Variants in FAR2 observed in about 807,000 individuals in gnomAD.
FAR2 encodes fatty acyl-CoA reductase 2, also known as epididymis secretory protein Li 81.
A neutral mutation model predicts 56.0 loss-of-function variants in FAR2; 19 were observed. The ratio of observed to expected loss-of-function variants is 0.34; its 90% CI spans 0.24 to 0.50. FAR2 has a LOEUF of 0.50. Ranked by LOEUF, FAR2 falls within the 20% of genes least tolerant of loss-of-function variation. The pLI is 0.98. For synonymous variants in FAR2, 219 were observed against 218.8 expected (o/e 1.00, Z -0.01); for missense variants, 508 against 642.2 (o/e 0.79, Z 2.26).
At chr12:29,320,873 T>C (rs1312142006) in intron 9 of FAR2, among the ~76,000 whole-genome samples, 2 of 152,156 alleles carry the variant, frequency 1.3e-5, no homozygotes, top group Non-Finnish European at 2.9e-5. Context: ...TCTTGTGTAA[T>C]GGGACACAGG....
intron 2 of FAR2, among the ~76,000 whole-genome samples, chr12:29,283,198 T>C (rs1263206060): frequency 6.6e-6 from 1 of 152,132 alleles, no homozygotes; most frequent in African/African-American, 2.4e-5. Flanking sequence ...AAATAGTAAA[T>C]GACACAAAAA....
intron 3 of FAR2, among the ~76,000 whole-genome samples, chr12:29,294,140 A>T (rs1235110119): frequency 6.6e-6 from 1 of 152,172 alleles, no homozygotes; most frequent in African/African-American, 2.4e-5. Context: ...ATAATTTTTA[A>T]ATTATTTTAA....
chr12:29,272,990 G>A (rs891172458), intron 2 of FAR2, among the ~76,000 whole-genome samples: 1 of 152,162 alleles, frequency 6.6e-6, no homozygotes, highest in African/African-American at 2.4e-5. Flanking sequence ...AAAGAGGCTG[G>A]AGAGCAGCAA....
intron 1 of FAR2, among the ~76,000 whole-genome samples, chr12:29,234,075 G>A (rs117180037): frequency 3.6e-4 from 54 of 152,072 alleles, no homozygotes; most frequent in Non-Finnish European, 7.2e-4. Flanking sequence ...TCTTTCTCAC[G>A]CTCCTTGTAG....
intron 1 of FAR2, among the ~76,000 whole-genome samples, chr12:29,263,926 G>A (rs1181918017): frequency 9.2e-5 from 14 of 151,884 alleles, no homozygotes; most frequent in Admixed American, 8.5e-4. Flanking sequence ...CCAAAAAATA[G>A]AGGAGGAAGG....
chr12:29,197,393 T>A (rs139733078), intron 1 of FAR2, among the ~76,000 whole-genome samples: 1 of 152,308 alleles, frequency 6.6e-6, no homozygotes, highest in African/African-American at 2.4e-5. Context: ...CTTACAAGGA[T>A]CAGGTATGCA....
chr12:29,221,879 G>A (rs904379924), intron 1 of FAR2, among the ~76,000 whole-genome samples: 2 of 151,668 alleles, frequency 1.3e-5, no homozygotes, highest in African/African-American at 2.4e-5. Context: ...ACGGAGTCTC[G>A]CTCTGTCACC....
intron 1 of FAR2, among the ~76,000 whole-genome samples, chr12:29,180,763 ATCT>A (rs1792205023): frequency 6.6e-6 from 1 of 151,030 alleles, no homozygotes; most frequent in African/African-American, 2.4e-5. Context: ...CTATCTATCT[ATCT>A]ATCTATTCTC....
chr12:29,202,080 C>T (rs1228780455), intron 1 of FAR2, among the ~76,000 whole-genome samples: 1 of 151,966 alleles, frequency 6.6e-6, no homozygotes, highest in Non-Finnish European at 1.5e-5. Flanking sequence ...AACTTTCAGT[C>T]AGCATCTTCA....
intron 1 of FAR2, among the ~76,000 whole-genome samples, chr12:29,201,416 G>A (rs760225713): frequency 2.6e-5 from 4 of 152,036 alleles, no homozygotes; most frequent in African/African-American, 7.2e-5. Context: ...CTTCATATAC[G>A]CTGTCATCAT....
At chr12:29,256,657 G>T (rs570561218) in intron 1 of FAR2, among the ~76,000 whole-genome samples, 1 of 152,120 alleles carries the variant, frequency 6.6e-6, no homozygotes, top group African/African-American at 2.4e-5. Context: ...AGGCGCGGGC[G>T]GGAACAGAGG....
intron 2 of FAR2, among the ~76,000 whole-genome samples, chr12:29,285,535 A>G (rs1004743067): frequency 6.6e-6 from 1 of 151,972 alleles, no homozygotes; most frequent in African/African-American, 2.4e-5. Flanking sequence ...TTAAGGAAGG[A>G]AGGAAGGGAG....
At chr12:29,149,558 C>T (rs910257139) in intron 1 of FAR2, among the ~76,000 whole-genome samples, 151 bp downstream of exon 1, 1 of 152,184 alleles carries the variant, frequency 6.6e-6, no homozygotes, top group Admixed American at 6.5e-5. Context: ...GGTGTGAGGC[C>T]GGGTGGGAGG....
chr12:29,265,142 C>T (rs1043729178), intron 1 of FAR2, among the ~76,000 whole-genome samples: 1 of 152,144 alleles, frequency 6.6e-6, no homozygotes, highest in Non-Finnish European at 1.5e-5. Context: ...TATCAAAATA[C>T]CAATGACATT....
chr12:29,286,422 A>T (rs1397351045), intron 2 of FAR2, among the ~76,000 whole-genome samples: 1 of 152,234 alleles, frequency 6.6e-6, no homozygotes, highest in Non-Finnish European at 1.5e-5. Flanking sequence ...CGATGACAAT[A>T]TCATGAGGAA....
rs987988959 is a variant in FAR2, at chr12:29,335,059, T to C, written c.*1265T>C. On this transcript the variant is annotated 3_prime_UTR_variant, in exon 12 of 12. Coordinates refer to ENST00000536681, the MANE Select transcript of FAR2 (RefSeq NM_001271783.2). ...AAAAACATGGAATATTATTCAAATATAGTACTTGGGGCCTAAACAACTAAA... is the reference window on the plus strand; with the variant it reads ...AAAAACATGGAATATTATTCAAATACAGTACTTGGGGCCTAAACAACTAAA... 2.6e-5 allele frequency: 4 copies of C among 152,160 alleles called. No individual in the cohort carries two copies. In the East Asian group the frequency reaches 7.7e-4, roughly 29 times the overall value. The allele number at this position is 152,160 out of a possible 1,614,324, so 9.4% of individuals were successfully genotyped here.
At chr12:29,197,226 G>C (rs947836696) in intron 1 of FAR2, among the ~76,000 whole-genome samples, 4 of 152,170 alleles carry the variant, frequency 2.6e-5, no homozygotes, top group Non-Finnish European at 4.4e-5. Flanking sequence ...GTCCTTACTA[G>C]AGCAGTTTCT....
At chr12:29,306,637 G>C (rs1289760663) in intron 4 of FAR2, among the ~76,000 whole-genome samples, 1 of 152,182 alleles carries the variant, frequency 6.6e-6, no homozygotes. Flanking sequence ...ACATAGATCT[G>C]TCAGCTAGAA....
chr12:29,157,845 G>A (rs1388756275), intron 1 of FAR2, among the ~76,000 whole-genome samples: 2 of 152,150 alleles, frequency 1.3e-5, no homozygotes, highest in Non-Finnish European at 2.9e-5. Context: ...TTCCAGCAGA[G>A]TTAGATTCAC....
Sources: allele counts gnomAD v4.1 joint callset (sites outside exome capture counted in the v4.1 genomes callset), GRCh38; gene constraint gnomAD v4.1.1; transcripts MANE v1.5; gene names NCBI Gene and HGNC (gene_info 2026-07-23, HGNC 2026-07-21).